The following MYO1D variants were observed in gnomAD, a reference collection of about 807,000 sequenced individuals.
The protein encoded by MYO1D is myosin ID, also known as unconventional myosin-Id.
A neutral mutation model predicts 122.0 loss-of-function variants in MYO1D; 83 were observed. That is an observed-to-expected ratio of 0.68 (90% confidence interval 0.57 to 0.82). The LOEUF is 0.82. Ranked by LOEUF, MYO1D falls within the 40% of genes least tolerant of loss-of-function variation. The probability of loss-of-function intolerance (pLI) is 0.00; values close to 1 mark genes in which losing one functional copy is unlikely to be tolerated. For missense variants in MYO1D, 1,157 were observed against 1,269.5 expected, an observed-to-expected ratio of 0.91 and a Z score of 1.35; for synonymous variants, 464 against 446.9, an observed-to-expected ratio of 1.04 and a Z score of -0.48.
intron 21 of MYO1D, among the ~76,000 whole-genome samples, chr17:32,545,817 C>T (rs1190003578): frequency 2.0e-5 from 3 of 150,688 alleles, no homozygotes; most frequent in Non-Finnish European, 4.4e-5. Flanking sequence ...CTCTACAATA[C>T]TGAAGAACAG....
intron 21 of MYO1D, among the ~76,000 whole-genome samples, chr17:32,503,965 G>T (rs186834902): frequency 6.6e-6 from 1 of 152,346 alleles, no homozygotes; most frequent in Admixed American, 6.5e-5. Context: ...CACCTATAAG[G>T]TGAGGCTATG....
At chr17:32,552,628 CCTAGGTACTGTGCTGGGTA>C (rs2087028332) in intron 21 of MYO1D, among the ~76,000 whole-genome samples, 1 of 152,158 alleles carries the variant, frequency 6.6e-6, no homozygotes, top group African/African-American at 2.4e-5. Flanking sequence ...CTTACTATGT[CCTAGGTACTGTGCTGGGTA>C]CTAGAGAGAG....
chr17:32,771,323 T>C, intron 5 of MYO1D, 103 bp from the exon 6 acceptor site: 1 of 755,626 alleles, frequency 1.3e-6, no homozygotes, highest in Non-Finnish European at 2.1e-6. Context: ...CTTAATTCAC[T>C]TATGTCTTCC....
At chr17:32,661,523 T>C (rs1219510606) in intron 16 of MYO1D, among the ~76,000 whole-genome samples, 2 of 152,000 alleles carry the variant, frequency 1.3e-5, no homozygotes, top group East Asian at 1.9e-4. Flanking sequence ...TGTGTGGTGG[T>C]GTGCACCTGT....
rs147027471 is a variant in MYO1D, at chr17:32,494,809, C to T, written c.2971G>A (p.Asp991Asn). 1,317 of 1,613,278 alleles carry T rather than the reference C, an allele frequency of 8.2e-4. 1 individual carries two copies. The highest frequency in any genetic ancestry group is 1.0e-3 in the Non-Finnish European group (1,215 of 1,179,646). ...VETRLNQPQP[D>N]FTKNRSGFIL... ...AAGCCCGAGCGATTCTTGGTGAAGTCGGGCTGGGGCTGGTTGAGCCGCGTC... is the reference window on the plus strand; with the variant it reads ...AAGCCCGAGCGATTCTTGGTGAAGTTGGGCTGGGGCTGGTTGAGCCGCGTC... The change falls in exon 22 of 22, where the codon GAC becomes AAC. Residue 991 changes from aspartate (D) to asparagine (N), a missense_variant. Coordinates refer to ENST00000318217, the MANE Select transcript of MYO1D (RefSeq NM_015194.3).
intron 1 of MYO1D, among the ~76,000 whole-genome samples, chr17:32,870,935 G>T (rs2091173567): frequency 6.6e-6 from 1 of 152,214 alleles, no homozygotes; most frequent in Non-Finnish European, 1.5e-5. Flanking sequence ...GATTCCATAG[G>T]TTGGTGAGGA....
Position 32,494,854 on chromosome 17 carries a change from T to C in MYO1D, c.2926A>G (p.Lys976Glu). ...CGCGTCTCCACGGAGACGGTGCACT[T>C]CTTCCCGTGCAGGCTGCACTGTACT... ...NPVQCSLHGK[K>E]CTVSVETRLN... is the part of the protein sequence containing the mutation. Residue 976 changes from lysine (K) to glutamate (E), a missense_variant, in exon 22 of 22, where the codon AAG (lysine) becomes GAG (glutamate). Coordinates refer to ENST00000318217, the MANE Select transcript of MYO1D (RefSeq NM_015194.3). The C allele has an allele frequency of 6.2e-7, 1 of 1,613,984 alleles. No individual in the cohort carries two copies. Among genetic ancestry groups the C allele is most frequent in the Non-Finnish European group, 8.5e-7 (1 of 1,179,936 alleles).
chr17:32,523,630 GAAACCCTAT>G (rs1910234722), intron 21 of MYO1D, among the ~76,000 whole-genome samples: 1 of 151,892 alleles, frequency 6.6e-6, no homozygotes, highest in Non-Finnish European at 1.5e-5. Flanking sequence ...GCAACATGGA[GAAACCCTAT>G]CTCTACAAAA....
rs750006578 is a variant in MYO1D, at chr17:32,778,547, C to T, written c.331G>A (p.Ala111Thr). ...SGESGAGKTE[A>T]SKYIMQYIAA... ...ATATACTGCATAATGTACTTACTGG[C>T]TTCCGTTTTACCAGCTCCACTTTCC... Residue 111 changes from alanine to threonine, a missense_variant, in exon 3 of 22, where the codon GCC becomes ACC. Transcript: ENST00000318217. The T allele has an allele frequency of 1.9e-6, 3 of 1,613,942 alleles. No homozygotes were observed. In the East Asian group the frequency reaches 6.7e-5, roughly 36 times the overall value.
At position 32,845,939 on chromosome 17, in the gene MYO1D, GA is replaced by G. The variant is rs973875658; in HGVS notation, c.95+30838del. 1.0e-3 allele frequency among the ~76,000 whole-genome samples: 147 copies of G among 143,880 alleles called. No homozygotes were observed. In the East Asian group the frequency reaches 0.013, roughly 13 times the overall value. The allele number at this position is 143,880 out of a possible 152,430, so 94.4% of individuals were successfully genotyped here. Reference sequence around the variant, plus strand: ...TACGAGCTTCTGAAATACTGTAGAGGAAAAAAAAAAAACTGCTGAATTCATA... The same window carrying G: ...TACGAGCTTCTGAAATACTGTAGAGGAAAAAAAAAAACTGCTGAATTCATA... On this transcript the variant is annotated intron_variant, in intron 1 of 21. Transcript: ENST00000318217.
intron 20 of MYO1D, among the ~76,000 whole-genome samples, chr17:32,624,041 T>C (rs936650834): frequency 3.9e-5 from 6 of 152,154 alleles, no homozygotes; most frequent in South Asian, 2.1e-4. Flanking sequence ...ACGTAAGTGA[T>C]AAAAAACTCT....
At chr17:32,620,365 CT>C (rs2087838759) in intron 20 of MYO1D, among the ~76,000 whole-genome samples, 1 of 152,166 alleles carries the variant, frequency 6.6e-6, no homozygotes, top group African/African-American at 2.4e-5. Context: ...TATTTTCCCC[CT>C]GGTGCTTTTC....
intron 15 of MYO1D, among the ~76,000 whole-genome samples, chr17:32,715,437 A>G (rs2089431384): frequency 6.6e-6 from 1 of 152,104 alleles, no homozygotes; most frequent in Admixed American, 6.5e-5. Flanking sequence ...TCTTCTTGAC[A>G]TATCTCTTTT....
chr17:32,707,307 T>C (rs969421273), intron 16 of MYO1D, among the ~76,000 whole-genome samples: 1 of 152,166 alleles, frequency 6.6e-6, no homozygotes, highest in African/African-American at 2.4e-5. Flanking sequence ...TTAAAAAATG[T>C]AGAAATAAGG....
chr17:32,592,884 A>G (rs933850475), intron 21 of MYO1D, among the ~76,000 whole-genome samples: 1 of 152,194 alleles, frequency 6.6e-6, no homozygotes, highest in Non-Finnish European at 1.5e-5. Context: ...AACAATGTGA[A>G]ACCATTTGTT....
At chr17:32,520,193 A>T (rs11652665) in intron 21 of MYO1D, among the ~76,000 whole-genome samples, 55,198 of 151,944 alleles carry the variant, frequency 0.36, 11,829 homozygotes, top group Non-Finnish European at 0.48. Context: ...ATGAGACTGT[A>T]CTCTGTGAGG....
intron 17 of MYO1D, among the ~76,000 whole-genome samples, chr17:32,657,173 CTGTGAAGA>C (rs2088488605): frequency 6.6e-6 from 1 of 152,248 alleles, no homozygotes; most frequent in African/African-American, 2.4e-5. Context: ...AAAAGAATTA[CTGTGAAGA>C]ACAGGAGTGA....
rs71144843 is a variant in MYO1D at position 32,580,289 on chromosome 17, A to AT, written c.2864+24797dup. 8.4e-3 allele frequency among the ~76,000 whole-genome samples: 327 copies of AT among 39,134 alleles called. 28 individuals carry two copies. Among genetic ancestry groups the AT allele is most frequent in the Non-Finnish European group, 0.011 (267 of 23,316 alleles). The allele number at this position is 39,134 out of a possible 152,430, so 25.7% of individuals were successfully genotyped here. A position where few individuals can be genotyped will look rare whatever the true frequency, so the allele number is the denominator to read the frequency against. ...CTTCTATTGTTAGTCTGCTAAGAGG[A>AT]TTTTTTTTTTTTTTTTTTTTTTTTT... On this transcript the variant is annotated intron_variant, in intron 21 of 21. Transcript: ENST00000318217.
chr17:32,775,980 T>A lies in MYO1D; in HGVS notation c.448A>T (p.Asn150Tyr). The A allele has an allele frequency of 6.2e-7, 1 of 1,613,970 alleles. No homozygotes were observed. The highest frequency in any genetic ancestry group is 8.5e-7 in the Non-Finnish European group (1 of 1,179,918). ...KSNCVLEAFG[N>Y]AKTNRNDNSS... ...TTGTCATTACGGTTGGTTTTGGCAT[T>A]TCCAAAAGCTTCCAAAACACAGTTG... The change falls in exon 4 of 22, where the codon AAT (asparagine) becomes TAT (tyrosine). Residue 150 changes from asparagine (N) to tyrosine (Y), a missense_variant. Coordinates refer to ENST00000318217, the MANE Select transcript of MYO1D (RefSeq NM_015194.3).
Sources: gnomAD v4.1 joint callset for allele counts (sites outside exome capture counted in the v4.1 genomes callset) on GRCh38, gnomAD v4.1.1 for gene constraint, MANE v1.5 for transcripts, NCBI Gene and HGNC (gene_info 2026-07-23, HGNC 2026-07-21) for gene names.